Variants in GLB1 observed in about 807,000 individuals in gnomAD.
GLB1 encodes the protein beta-galactosidase.
A neutral mutation model predicts 74.0 loss-of-function variants in GLB1; 56 were observed. The ratio of observed to expected loss-of-function variants is 0.76; its 90% CI spans 0.61 to 0.94. The LOEUF (loss-of-function observed/expected upper bound fraction) is 0.94, where lower values mean the gene tolerates loss of function less well. Among genes scored for constraint, GLB1 ranks in the 40% least tolerant of loss-of-function variants. The pLI, the probability that GLB1 is intolerant of heterozygous loss-of-function variation, is 0.00. For synonymous variants in GLB1, 323 were observed against 323.6 expected (o/e 1.00, Z 0.02); for missense variants, 787 against 845.5 (o/e 0.93, Z 0.86).
rs1199366375 is a variant in GLB1 at position 33,014,274 on chromosome 3, G to T, written c.1516C>A (p.Leu506Ile). The T allele has an allele frequency of 6.2e-7, 1 of 1,614,180 alleles. No homozygotes were observed. Among genetic ancestry groups the T allele is most frequent in the Non-Finnish European group, 8.5e-7 (1 of 1,180,024 alleles). Residue 506 changes from leucine to isoleucine, a missense_variant, in exon 15 of 16, where the codon CTC (leucine) becomes ATC (isoleucine). Leu to Ile is a conservative substitution (Grantham distance 5). Coordinates refer to ENST00000307363, the MANE Select transcript of GLB1 (RefSeq NM_000404.4). ...VSNLTLSSNI[L>I]TDWTIFPLDT... ...AGTGGAAAGATCGTCCAGTCCGTGA[G>T]GATATTGGAACTGAGAGTCAGGTTA...
intron 10 of GLB1, among the ~76,000 whole-genome samples, chr3:33,033,502 G>A (rs1698140827): frequency 1.3e-5 from 2 of 152,178 alleles, no homozygotes; most frequent in Admixed American, 1.3e-4. Flanking sequence ...GTGATAAGAG[G>A]CTAGGCGGGG....
At chr3:32,986,601 T>C in the GLB1 span, among the ~76,000 whole-genome samples, 1 of 151,752 alleles carries the variant, frequency 6.6e-6, no homozygotes, top group Admixed American at 6.6e-5. Flanking sequence ...TCTCTTTTTT[T>C]TTTTTTTGAG....
At chr3:33,084,518 TTA>T (rs142367106) in intron 1 of GLB1, among the ~76,000 whole-genome samples, 4,734 of 152,236 alleles carry the variant, frequency 0.031, 159 homozygotes, top group East Asian at 0.11. Flanking sequence ...TTTATTAACT[TTA>T]TGTTTTCACG....
At chr3:32,980,856 T>G in the GLB1 span, among the ~76,000 whole-genome samples, 5 of 150,426 alleles carry the variant, frequency 3.3e-5, no homozygotes, top group African/African-American at 1.2e-4. Flanking sequence ...TTTGGGAGGC[T>G]GAGGCAAGTA....
rs1168024958 is a variant in GLB1, at chr3:33,065,482, C to A, written c.533G>T (p.Gly178Val). 1 of 1,584,020 alleles carries A rather than the reference C, an allele frequency of 6.3e-7. No individual in the cohort carries two copies. The highest frequency in any genetic ancestry group is 8.6e-7 in the Non-Finnish European group (1 of 1,161,748). Residue 178 changes from glycine to valine, a missense_variant, in exon 5 of 16, where the codon GGG becomes GTG. Physicochemically the swap from Gly to Val is moderately radical, Grantham distance 109. Coordinates refer to ENST00000307363, the MANE Select transcript of GLB1 (RefSeq NM_000404.4). ...GGTTACCTGCACTGTTATAACTGGC[C>A]CTCCATTCTGATAGAGGAGAGGCTT... is the stretch of plus-strand genomic sequence containing the variant. ...KMKPLLYQNG[G>V]PVITVQVENE...
chr3:32,988,203 AAAAAG>A, the GLB1 span, among the ~76,000 whole-genome samples: 1 of 151,650 alleles, frequency 6.6e-6, no homozygotes, highest in African/African-American at 2.4e-5. Flanking sequence ...AAAAAAAAAA[AAAAAG>A]GATCTTAGAG....
chr3:33,092,855 G>A, intron 1 of GLB1: 11 of 1,608,362 alleles, frequency 6.8e-6, no homozygotes, highest in Non-Finnish European at 8.5e-6. Flanking sequence ...GCTGCAGGAT[G>A]AGCTCTGTGA....
intron 4 of GLB1, among the ~76,000 whole-genome samples, chr3:33,067,456 A>ATTTTAAAAT: frequency 6.6e-6 from 1 of 151,772 alleles, no homozygotes; most frequent in African/African-American, 2.4e-5. Flanking sequence ...CACCTGGCTA[A>ATTTTAAAAT]TTTTTATAGA....
At chr3:33,024,027 C>T (rs1697624458) in intron 11 of GLB1, among the ~76,000 whole-genome samples, 1 of 152,214 alleles carries the variant, frequency 6.6e-6, no homozygotes, top group Non-Finnish European at 1.5e-5. Context: ...TACTCCCACC[C>T]ATGTCTCATC....
chr3:32,993,207 T>A (rs1455581925), downstream of GLB1, among the ~76,000 whole-genome samples: 2 of 152,218 alleles, frequency 1.3e-5, no homozygotes, highest in African/African-American at 4.8e-5. Flanking sequence ...CACCTCGGAT[T>A]AGCATTAAAC....
chr3:33,095,512 G>A (rs1301413810), intron 1 of GLB1, among the ~76,000 whole-genome samples: 1 of 152,140 alleles, frequency 6.6e-6, no homozygotes, highest in East Asian at 1.9e-4. Context: ...CTTTAGCTGT[G>A]GGCACAGAAG....
chr3:33,036,496 T>C lies in GLB1; in HGVS notation c.1068+9624A>G, dbSNP rs371447625. On this transcript the variant is annotated intron_variant, in intron 10 of 15. Coordinates refer to ENST00000307363, the MANE Select transcript of GLB1 (RefSeq NM_000404.4). ...AAGAAAATAATTCTAAAAATAAGCCTACCAGCAACTCCACTTCTAGGTATG... is the reference window on the plus strand; with the variant it reads ...AAGAAAATAATTCTAAAAATAAGCCCACCAGCAACTCCACTTCTAGGTATG... Among the ~76,000 whole-genome samples, 7 of 152,270 alleles carry C rather than the reference T, an allele frequency of 4.6e-5. No homozygotes were observed. In the East Asian group the frequency reaches 9.6e-4, roughly 21 times the overall value.
chr3:32,981,399 C>A, the GLB1 span, among the ~76,000 whole-genome samples: 803 of 90,218 alleles, frequency 8.9e-3, no homozygotes, highest in African/African-American at 0.017. Context: ...GACTCCATCT[C>A]AAAAAAAAAA....
Position 33,016,734 on chromosome 3 carries a change from T to A in GLB1, c.1454A>T (p.Tyr485Phe). ...CTTAAAATCGTTGATATATGCACCA[T>A]AGTTCACACGTCCCATGTTCTCTAC... ...LLVENMGRVN[Y>F]GAYINDFKGL... The change falls in exon 14 of 16, where the codon TAT becomes TTT. Residue 485 changes from tyrosine to phenylalanine, a missense_variant. Tyr to Phe is a conservative substitution (Grantham distance 22). Transcript: ENST00000307363. 4 of 1,614,134 alleles carry A rather than the reference T, an allele frequency of 2.5e-6. No homozygotes were observed. The highest frequency in any genetic ancestry group is 3.4e-6 in the Non-Finnish European group (4 of 1,179,976).
At chr3:32,991,545 C>A in the GLB1 span, among the ~76,000 whole-genome samples, 2 of 152,188 alleles carry the variant, frequency 1.3e-5, no homozygotes, top group Non-Finnish European at 2.9e-5. Context: ...CAGTAGAGTA[C>A]AGTGGACTGA....
Position 33,065,434 on chromosome 3 carries a change from A to C in GLB1, c.552+29T>G, listed in dbSNP as rs1290083358. 12 of 1,558,548 alleles carry C rather than the reference A, an allele frequency of 7.7e-6. No homozygotes were observed. The Admixed American group carries it at 1.3e-4, about 17-fold the overall frequency. ...GTAGATGGATGGGAACCCCTCCCCCAATCCATCCATGCTCAACTCCAGGGT... is the reference window on the plus strand; with the variant it reads ...GTAGATGGATGGGAACCCCTCCCCCCATCCATCCATGCTCAACTCCAGGGT... On this transcript the variant is annotated intron_variant, in intron 5 of 15. Transcript: ENST00000307363.
the GLB1 span, among the ~76,000 whole-genome samples, chr3:32,966,147 A>G: frequency 6.6e-6 from 1 of 152,224 alleles, no homozygotes; most frequent in Admixed American, 6.5e-5. Flanking sequence ...TCCAGACCCT[A>G]GAATGGTAGA....
At chr3:33,062,153 C>T (rs1699467795) in intron 5 of GLB1, among the ~76,000 whole-genome samples, 2 of 152,254 alleles carry the variant, frequency 1.3e-5, no homozygotes, top group East Asian at 3.9e-4. Context: ...AGACAGAAAT[C>T]AGCTTTTACA....
intron 10 of GLB1, among the ~76,000 whole-genome samples, chr3:33,044,354 C>G (rs1698659778): frequency 6.6e-6 from 1 of 151,870 alleles, no homozygotes; most frequent in Non-Finnish European, 1.5e-5. Context: ...TAGAAGCAAA[C>G]AGTAAGAAAT....
Sources: allele counts gnomAD v4.1 joint callset (sites outside exome capture counted in the v4.1 genomes callset), GRCh38; gene constraint gnomAD v4.1.1; transcripts MANE v1.5; gene names NCBI Gene and HGNC (gene_info 2026-07-23, HGNC 2026-07-21).